FHIT: variants seen among roughly 807,000 people sequenced by gnomAD.
FHIT encodes the protein fragile histidine triad diadenosine triphosphatase.
Under a neutral mutation model 17.9 loss-of-function variants are expected in FHIT, and 19 were observed. The observed-to-expected ratio is 1.06, with a 90% confidence interval of 0.74 to 1.56. The LOEUF is 1.56. FHIT is among the 40% of genes most tolerant of loss of function. The probability of loss-of-function intolerance (pLI) is 0.00; values close to 1 mark genes in which losing one functional copy is unlikely to be tolerated. For synonymous variants in FHIT, 81 were observed against 69.7 expected, an observed-to-expected ratio of 1.16 and a Z score of -0.81; for missense variants, 248 against 189.2, an observed-to-expected ratio of 1.31 and a Z score of -1.82.
chr3:60,538,337 C>G (rs1043109625), intron 4 of FHIT, among the ~76,000 whole-genome samples: 7 of 152,096 alleles, frequency 4.6e-5, no homozygotes, highest in African/African-American at 1.7e-4. Flanking sequence ...ATAGGAAGAA[C>G]CAGTATTGAG....
intron 8 of FHIT, among the ~76,000 whole-genome samples, chr3:59,906,094 G>T (rs561540595): frequency 6.6e-6 from 1 of 152,248 alleles, no homozygotes; most frequent in Admixed American, 6.5e-5. Context: ...CTTTTCAAAA[G>T]ACCCCTTCCT....
intron 5 of FHIT, among the ~76,000 whole-genome samples, chr3:60,220,015 C>T (rs12715552): frequency 0.18 from 27,090 of 151,920 alleles, 2,588 homozygotes; most frequent in African/African-American, 0.25. Flanking sequence ...ATCAGTCCCC[C>T]TGATACAAAA....
chr3:60,672,102 A>T (rs967125689), intron 4 of FHIT, among the ~76,000 whole-genome samples: 1 of 152,150 alleles, frequency 6.6e-6, no homozygotes, highest in Non-Finnish European at 1.5e-5. Context: ...TTTCTATAAC[A>T]TATATTTGTA....
At chr3:60,935,779 C>T (rs189631437) in intron 3 of FHIT, among the ~76,000 whole-genome samples, 1 of 152,312 alleles carries the variant, frequency 6.6e-6, no homozygotes, top group Admixed American at 6.5e-5. Context: ...AGAATAATCA[C>T]TTCCTAAATA....
intron 4 of FHIT, among the ~76,000 whole-genome samples, chr3:60,813,935 G>T (rs1258703550): frequency 6.6e-6 from 1 of 151,898 alleles, no homozygotes; most frequent in Non-Finnish European, 1.5e-5. Flanking sequence ...TGTTTCCATG[G>T]TGTATTTATT....
intron 2 of FHIT, among the ~76,000 whole-genome samples, chr3:61,049,925 A>G (rs2033963803): frequency 6.6e-6 from 1 of 152,150 alleles, no homozygotes; most frequent in Admixed American, 6.6e-5. Flanking sequence ...CTGAAGACAC[A>G]GGGACACAGA....
rs532613244 is a variant in FHIT at position 60,064,753 on chromosome 3, G to A, written c.104-50601C>T. On this transcript the variant is annotated intron_variant, in intron 5 of 9. Transcript: ENST00000492590. ...TCTGCCAAATAATCCAGTTTTGTTT[G>A]TATTTTCATTTACATCCCTTTCACC... Among the ~76,000 whole-genome samples the A allele has an allele frequency of 3.3e-4, 51 of 152,312 alleles. 1 individual carries two copies. In the South Asian group the frequency reaches 0.01, roughly 31 times the overall value.
intron 2 of FHIT, among the ~76,000 whole-genome samples, chr3:61,094,874 C>T (rs2035591057): frequency 6.6e-6 from 1 of 152,176 alleles, no homozygotes; most frequent in South Asian, 2.1e-4. Context: ...GAGATTCCAT[C>T]ATGCTACTTA....
chr3:60,616,583 A>T (rs2038957877), intron 4 of FHIT, among the ~76,000 whole-genome samples: 1 of 152,122 alleles, frequency 6.6e-6, no homozygotes, highest in South Asian at 2.1e-4. Context: ...AATACCATTT[A>T]CATTAATGCC....
At chr3:60,798,874 C>T (rs1235433969) in intron 4 of FHIT, among the ~76,000 whole-genome samples, 1 of 149,016 alleles carries the variant, frequency 6.7e-6, no homozygotes, top group African/African-American at 2.5e-5. Flanking sequence ...TCTTGTGCAT[C>T]AGCCTCCCAA....
chr3:61,226,379 C>G (rs2039971304), intron 1 of FHIT, among the ~76,000 whole-genome samples: 1 of 152,116 alleles, frequency 6.6e-6, no homozygotes, highest in Non-Finnish European at 1.5e-5. Context: ...CTGCATTTCC[C>G]CTTCATGCCC....
At chr3:60,694,618 T>C (rs1457053206) in intron 4 of FHIT, among the ~76,000 whole-genome samples, 8 of 152,186 alleles carry the variant, frequency 5.3e-5, no homozygotes, top group African/African-American at 1.7e-4. Context: ...TGCACACATA[T>C]GTTTATTGCG....
chr3:60,463,384 T>A (rs899813328), intron 5 of FHIT, among the ~76,000 whole-genome samples: 7 of 152,322 alleles, frequency 4.6e-5, no homozygotes, highest in African/African-American at 1.4e-4. Flanking sequence ...AAGGATTTAA[T>A]TGCATTTAGA....
At chr3:60,561,922 G>C (rs575957578) in intron 4 of FHIT, among the ~76,000 whole-genome samples, 1 of 151,330 alleles carries the variant, frequency 6.6e-6, no homozygotes, top group African/African-American at 2.4e-5. Context: ...GAGAGAAAGA[G>C]AGAAAGAAAA....
chr3:60,945,384 G>A (rs1340049513), intron 3 of FHIT, among the ~76,000 whole-genome samples: 3 of 150,116 alleles, frequency 2.0e-5, no homozygotes, highest in African/African-American at 7.3e-5. Flanking sequence ...GGATGATGGG[G>A]AGTTACTACA....
intron 8 of FHIT, among the ~76,000 whole-genome samples, chr3:59,832,734 A>G (rs541985880): frequency 1.4e-4 from 21 of 152,344 alleles, no homozygotes; most frequent in Admixed American, 9.2e-4. Flanking sequence ...CGAGGCTAAT[A>G]CACAAATTTT....
intron 5 of FHIT, among the ~76,000 whole-genome samples, chr3:60,386,921 T>C (rs1701033096): frequency 6.6e-6 from 1 of 152,118 alleles, no homozygotes; most frequent in African/African-American, 2.4e-5. Context: ...TTCCATAGCC[T>C]GTTAGGGTTA....
At position 61,120,158 on chromosome 3, in the gene FHIT, T is replaced by C. The variant is rs79331008; in HGVS notation, c.-163-78059A>G. On this transcript the variant is annotated intron_variant, in intron 2 of 9. Transcript: ENST00000492590. ...AACCAGGGCATGTTACTTTATACAC[T>C]AAGGCTAAGTTCACCATCTAGATAT... 1.4e-3 allele frequency among the ~76,000 whole-genome samples: 214 copies of C among 152,250 alleles called. 1 individual carries two copies. Among genetic ancestry groups the C allele is most frequent in the African/African-American group, 5.1e-3 (210 of 41,542 alleles).
At chr3:61,165,670 A>T (rs2037815208) in intron 2 of FHIT, 1 of 152,360 alleles carries the variant, frequency 6.6e-6, no homozygotes, top group Admixed American at 6.5e-5. Flanking sequence ...CTCTGTCTCT[A>T]CTAAAAATAC....
Sources: allele counts gnomAD v4.1 joint callset (sites outside exome capture counted in the v4.1 genomes callset), GRCh38; gene constraint gnomAD v4.1.1; transcripts MANE v1.5; gene names NCBI Gene and HGNC (gene_info 2026-07-23, HGNC 2026-07-21).